DISC1: variants seen among roughly 807,000 people sequenced by gnomAD.
The protein encoded by DISC1 is DISC1 scaffold protein, also known as disrupted in schizophrenia 1 protein.
Under a neutral mutation model 84.5 loss-of-function variants are expected in DISC1, and 57 were observed. The observed-to-expected ratio is 0.67, with a 90% confidence interval of 0.55 to 0.84. The LOEUF (loss-of-function observed/expected upper bound fraction) is 0.84. DISC1 is among the 40% of genes least tolerant of loss of function. The probability of loss-of-function intolerance (pLI) is 0.00; values close to 1 mark genes in which losing one functional copy is unlikely to be tolerated. For synonymous variants in DISC1, 411 were observed against 415.2 expected (o/e 0.99, Z 0.12); for missense variants, 1,000 against 1,057.8 (o/e 0.95, Z 0.76).
chr1:231,762,763 G>A (rs1163428125), intron 4 of DISC1, among the ~76,000 whole-genome samples: 3 of 152,028 alleles, frequency 2.0e-5, no homozygotes, highest in African/African-American at 4.8e-5. Context: ...GGATGGAGGC[G>A]TTCTGTCTCC....
At chr1:232,022,039 C>T (rs1669008745) in intron 11 of DISC1, among the ~76,000 whole-genome samples, 1 of 152,148 alleles carries the variant, frequency 6.6e-6, no homozygotes, top group Admixed American at 6.5e-5. Flanking sequence ...CCTTTTATGA[C>T]CTGACTTTGC....
At chr1:231,984,436 G>A in intron 10 of DISC1, among the ~76,000 whole-genome samples, 1 of 152,068 alleles carries the variant, frequency 6.6e-6, no homozygotes, top group East Asian at 1.9e-4. Context: ...ATATTATTAT[G>A]GATTTGAAGA....
intron 9 of DISC1, chr1:231,855,491 C>T (rs560026596): frequency 1.3e-5 from 12 of 902,376 alleles, no homozygotes; most frequent in African/African-American, 1.1e-4. Flanking sequence ...CCTTCCCAAA[C>T]TTGAAATCCC....
Position 231,800,086 on chromosome 1 carries a change from C to G in DISC1, c.1690-22C>G, listed in dbSNP as rs1157208892. 4.5e-6 allele frequency: 7 copies of G among 1,571,052 alleles called. No homozygotes were observed. The African/African-American group carries it at 6.8e-5, about 15-fold the overall frequency. ...TTTTTAGCTGAATAAATGATGATTC[C>G]TGGTCATTTCTCTCCCCCTAGGTGT... is the stretch of plus-strand genomic sequence containing the variant. On this transcript the variant is annotated intron_variant, in intron 7 of 12. Transcript: ENST00000439617.
intron 10 of DISC1, among the ~76,000 whole-genome samples, chr1:232,000,256 T>G (rs956663919): frequency 3.3e-5 from 5 of 152,130 alleles, no homozygotes; most frequent in Admixed American, 3.3e-4. Flanking sequence ...ATATAGAAAT[T>G]TTTTTAAAAA....
intron 12 of DISC1, among the ~76,000 whole-genome samples, chr1:232,033,052 T>A (rs1466201620): frequency 1.3e-5 from 2 of 152,194 alleles, no homozygotes; most frequent in Admixed American, 1.3e-4. Flanking sequence ...GACTTATATC[T>A]GTTTTCTACT....
intron 9 of DISC1, among the ~76,000 whole-genome samples, chr1:231,828,581 T>TA (rs1356430428): frequency 6.6e-6 from 1 of 152,228 alleles, no homozygotes; most frequent in Non-Finnish European, 1.5e-5. Flanking sequence ...TACTCTAGGA[T>TA]AAAATTTTAA....
chr1:231,717,840 TA>T (rs574663073), intron 3 of DISC1, among the ~76,000 whole-genome samples: 1 of 151,942 alleles, frequency 6.6e-6, no homozygotes, highest in Non-Finnish European at 1.5e-5. Context: ...TCTTCATTAA[TA>T]AAAAAAAGAC....
At chr1:232,007,317 C>T (rs1667584682) in intron 10 of DISC1, among the ~76,000 whole-genome samples, 2 of 152,176 alleles carry the variant, frequency 1.3e-5, no homozygotes, top group Non-Finnish European at 2.9e-5. Context: ...AAGCTGCAGA[C>T]ACTCAGTGCT....
At chr1:231,945,819 A>G (rs1239671328) in intron 9 of DISC1, among the ~76,000 whole-genome samples, 1 of 152,222 alleles carries the variant, frequency 6.6e-6, no homozygotes, top group Non-Finnish European at 1.5e-5. Flanking sequence ...CTACCATCAG[A>G]GAATACTATA....
intron 9 of DISC1, among the ~76,000 whole-genome samples, chr1:231,920,301 G>A (rs114836811): frequency 2.0e-5 from 3 of 152,322 alleles, no homozygotes; most frequent in Non-Finnish European, 4.4e-5. Context: ...GCTAAAATTT[G>A]TAAGTGGTCA....
chr1:231,777,409 TG>T (rs1339700365), intron 6 of DISC1, among the ~76,000 whole-genome samples: 1 of 152,068 alleles, frequency 6.6e-6, no homozygotes, highest in East Asian at 1.9e-4. Context: ...TTTATAGAGA[TG>T]GGGGTCTTGC....
chr1:231,995,306 C>T (rs187986152), intron 10 of DISC1, among the ~76,000 whole-genome samples: 69 of 151,876 alleles, frequency 4.5e-4, no homozygotes, highest in Non-Finnish European at 8.1e-4. Context: ...ATAAAAAGAC[C>T]TGGTTATTTT....
chr1:231,988,622 C>T (rs1187452791), intron 10 of DISC1, among the ~76,000 whole-genome samples: 3 of 152,184 alleles, frequency 2.0e-5, no homozygotes, highest in African/African-American at 7.2e-5. Flanking sequence ...GGGAACTTAC[C>T]AGACATCAAA....
At chr1:232,035,889 A>T (rs148138149) in intron 12 of DISC1, among the ~76,000 whole-genome samples, 1 of 152,314 alleles carries the variant, frequency 6.6e-6, no homozygotes, top group East Asian at 1.9e-4. Flanking sequence ...TAAGAGAACT[A>T]CAGCCTTATC....
intron 3 of DISC1, among the ~76,000 whole-genome samples, chr1:231,740,670 G>A (rs2073138533): frequency 6.6e-6 from 1 of 152,130 alleles, no homozygotes; most frequent in South Asian, 2.1e-4. Context: ...TATTTTGGGG[G>A]GTTTTAGAGT....
chr1:231,685,609 T>C (rs1305600247), intron 1 of DISC1, among the ~76,000 whole-genome samples: 3 of 152,218 alleles, frequency 2.0e-5, no homozygotes, highest in Admixed American at 2.0e-4. Context: ...CCTGCCACCA[T>C]GCCCAGCTAA....
rs367543092 is a variant in DISC1 at position 231,800,136 on chromosome 1, C to T, written c.1718C>T (p.Thr573Ile). Residue 573 changes from threonine to isoleucine, a missense_variant, in exon 8 of 13, where the codon ACC (threonine) becomes ATC (isoleucine). Transcript: ENST00000439617. The part of the protein sequence containing the change: ...KVCMSEKFCS[T>I]LRKKVNDIET... ...TGTATGAGTGAGAAATTCTGCAGCA[C>T]CCTGAGGAAGAAAGTTAACGATATT... 7.4e-6 allele frequency: 12 copies of T among 1,611,256 alleles called. No individual in the cohort carries two copies. Among genetic ancestry groups the T allele is most frequent in the Middle Eastern group, 3.3e-4 (2 of 6,080 alleles).
chr1:231,638,287 G>A (rs1223267265), intron 1 of DISC1, among the ~76,000 whole-genome samples: 1 of 152,086 alleles, frequency 6.6e-6, no homozygotes, highest in Non-Finnish European at 1.5e-5. Flanking sequence ...TGTCTCTTAA[G>A]TCTGTTGATT....
Sources: gnomAD v4.1 joint callset for allele counts (sites outside exome capture counted in the v4.1 genomes callset) on GRCh38, gnomAD v4.1.1 for gene constraint, MANE v1.5 for transcripts, NCBI Gene and HGNC (gene_info 2026-07-23, HGNC 2026-07-21) for gene names.